The following ABTB3 variants were observed in gnomAD, a reference collection of about 807,000 sequenced individuals.
ABTB3 encodes the protein ankyrin repeat and BTB domain containing 3, also known as ankyrin repeat- and BTB/POZ domain-containing protein 3.
the ABTB3 span, among the ~76,000 whole-genome samples, chr12:107,634,523 C>T: frequency 1.3e-5 from 2 of 152,128 alleles, no homozygotes; most frequent in Non-Finnish European, 2.9e-5. Flanking sequence ...CTTTGAGCCC[C>T]TAGTTTCAAC....
At chr12:107,389,691 T>A in the ABTB3 span, among the ~76,000 whole-genome samples, 9 of 151,780 alleles carry the variant, frequency 5.9e-5, no homozygotes, top group South Asian at 2.1e-4. Flanking sequence ...AGCTGGATGG[T>A]TCTTCTGCTC....
At chr12:107,406,542 A>G in the ABTB3 span, among the ~76,000 whole-genome samples, 1 of 152,052 alleles carries the variant, frequency 6.6e-6, no homozygotes, top group South Asian at 2.1e-4. Context: ...CTCACCATGC[A>G]TGCTCCTCAA....
At chr12:107,337,242 A>G in the ABTB3 span, among the ~76,000 whole-genome samples, 4 of 152,220 alleles carry the variant, frequency 2.6e-5, no homozygotes, top group African/African-American at 4.8e-5. Context: ...AGGGGGATTA[A>G]TAGACTTGTA....
the ABTB3 span, among the ~76,000 whole-genome samples, chr12:107,462,857 CG>C: frequency 1.1e-4 from 15 of 142,636 alleles, no homozygotes; most frequent in South Asian, 3.3e-3. Context: ...TAGTAGTGAC[CG>C]TGATGATAAT....
the ABTB3 span, among the ~76,000 whole-genome samples, chr12:107,405,908 T>C: frequency 6.6e-6 from 1 of 152,214 alleles, no homozygotes; most frequent in African/African-American, 2.4e-5. Context: ...TTCTACTCTG[T>C]GTCCTCAGTT....
the ABTB3 span, among the ~76,000 whole-genome samples, chr12:107,419,111 AG>A: frequency 6.6e-5 from 10 of 152,240 alleles, no homozygotes; most frequent in South Asian, 1.7e-3. Context: ...GCATACCCCC[AG>A]GGGAGTTTAT....
the ABTB3 span, among the ~76,000 whole-genome samples, chr12:107,395,796 G>T: frequency 6.6e-6 from 1 of 152,318 alleles, no homozygotes; most frequent in South Asian, 2.1e-4. Flanking sequence ...TGTCCCTAAA[G>T]TTCCCATTTT....
the ABTB3 span, among the ~76,000 whole-genome samples, chr12:107,640,107 T>C: frequency 1.3e-5 from 2 of 152,222 alleles, no homozygotes; most frequent in Non-Finnish European, 2.9e-5. Context: ...AAATAAGCTA[T>C]AAGGATTTCC....
the ABTB3 span, among the ~76,000 whole-genome samples, chr12:107,643,524 A>C: frequency 6.6e-6 from 1 of 151,618 alleles, no homozygotes; most frequent in Non-Finnish European, 1.5e-5. Context: ...GGGAGTTGGC[A>C]TACTCCAGAC....
chr12:107,385,335 G>A, the ABTB3 span, among the ~76,000 whole-genome samples: 4 of 152,226 alleles, frequency 2.6e-5, no homozygotes, highest in African/African-American at 9.6e-5. Context: ...AATAAAGCAA[G>A]GTGTTGGGAT....
At chr12:107,427,718 T>G in the ABTB3 span, among the ~76,000 whole-genome samples, 2 of 152,228 alleles carry the variant, frequency 1.3e-5, no homozygotes, top group Non-Finnish European at 2.9e-5. Flanking sequence ...TTACTCAGCC[T>G]GTCACAGCCA....
At chr12:107,319,552 G>A in the ABTB3 span, 8 of 1,545,270 alleles carry the variant, frequency 5.2e-6, no homozygotes, top group Non-Finnish European at 7.0e-6. Context: ...GCGGCAAGTC[G>A]GCCCGCTGCG....
chr12:107,427,024 C>T, the ABTB3 span, among the ~76,000 whole-genome samples: 1 of 152,192 alleles, frequency 6.6e-6, no homozygotes, highest in Non-Finnish European at 1.5e-5. Context: ...AGCAAATTAC[C>T]ATAAACTTTG....
the ABTB3 span, among the ~76,000 whole-genome samples, chr12:107,469,868 TTC>T: frequency 2.3e-3 from 181 of 80,144 alleles, no homozygotes; most frequent in Non-Finnish European, 3.5e-3. Context: ...TTTCTTTCTT[TTC>T]TTTCTTTCTT....
chr12:107,371,835 T>C, the ABTB3 span, among the ~76,000 whole-genome samples: 1 of 152,190 alleles, frequency 6.6e-6, no homozygotes, highest in Non-Finnish European at 1.5e-5. Flanking sequence ...ATGGCAGACA[T>C]AACTAATTAA....
At chr12:107,341,140 G>A in the ABTB3 span, among the ~76,000 whole-genome samples, 1 of 152,328 alleles carries the variant, frequency 6.6e-6, no homozygotes, top group Non-Finnish European at 1.5e-5. Flanking sequence ...CCTGAGTGCT[G>A]TCTCCCGCAA....
At chr12:107,548,336 T>C in the ABTB3 span, among the ~76,000 whole-genome samples, 3 of 152,218 alleles carry the variant, frequency 2.0e-5, no homozygotes, top group African/African-American at 7.2e-5. Flanking sequence ...ATTATTTGTT[T>C]TCATCTGTGC....
the ABTB3 span, among the ~76,000 whole-genome samples, chr12:107,349,689 T>C: frequency 6.6e-6 from 1 of 152,232 alleles, no homozygotes; most frequent in Non-Finnish European, 1.5e-5. Context: ...TAAATTTGAA[T>C]GTCAGATAAA....
chr12:107,478,469 A>G, the ABTB3 span, among the ~76,000 whole-genome samples: 1 of 152,138 alleles, frequency 6.6e-6, no homozygotes, highest in Admixed American at 6.5e-5. Context: ...TTGTTGAATG[A>G]AGGGCTAGGG....
Sources: allele counts gnomAD v4.1 joint callset (sites outside exome capture counted in the v4.1 genomes callset), GRCh38; gene constraint gnomAD v4.1.1; transcripts MANE v1.5; gene names NCBI Gene and HGNC (gene_info 2026-07-23, HGNC 2026-07-21).